Variants in CDH13 observed in about 807,000 individuals in gnomAD.
CDH13 encodes cadherin 13.
CDH13 carries 24 observed loss-of-function variants against 63.8 expected under a neutral mutation model. That is an observed-to-expected ratio of 0.38 (90% CI 0.27 to 0.53). The LOEUF (loss-of-function observed/expected upper bound fraction) is 0.53. Ranked by LOEUF, CDH13 falls within the 20% of genes least tolerant of loss-of-function variation. The probability of loss-of-function intolerance (pLI) is 0.85; values close to 1 mark genes in which losing one functional copy is unlikely to be tolerated. For missense variants in CDH13, 1,049 were observed against 903.1 expected, an observed-to-expected ratio of 1.16 and a Z score of -2.07; for synonymous variants, 503 against 355.3, an observed-to-expected ratio of 1.42 and a Z score of -4.67.
chr16:83,173,585 A>G lies in CDH13; in HGVS notation c.484-43760A>G, dbSNP rs114825093. On this transcript the variant is annotated intron_variant, in intron 4 of 13. Coordinates refer to ENST00000567109, the MANE Select transcript of CDH13 (RefSeq NM_001257.5). ...AGAATAAGCACATCCCAACTATTGC[A>G]CTGGACATATTAATACTAAAGAATT... Among the ~76,000 whole-genome samples, 562 of 152,274 alleles carry G rather than the reference A, an allele frequency of 3.7e-3. 4 individuals carry two copies. The highest frequency in any genetic ancestry group is 0.013 in the African/African-American group (547 of 41,564).
chr16:82,959,581 T>G (rs1247565415), intron 2 of CDH13, among the ~76,000 whole-genome samples: 1 of 152,146 alleles, frequency 6.6e-6, no homozygotes, highest in Non-Finnish European at 1.5e-5. Flanking sequence ...TACATCTCCT[T>G]TGCACTCTTT....
At chr16:82,907,931 CA>C (rs2041703442) in intron 2 of CDH13, among the ~76,000 whole-genome samples, 1 of 152,246 alleles carries the variant, frequency 6.6e-6, no homozygotes, top group African/African-American at 2.4e-5. Flanking sequence ...TTAGCTTCTT[CA>C]AAAAATTTTT....
intron 2 of CDH13, among the ~76,000 whole-genome samples, chr16:83,030,199 C>G (rs1379266091): frequency 6.6e-6 from 1 of 152,166 alleles, no homozygotes; most frequent in Non-Finnish European, 1.5e-5. Context: ...TGTCCACTCT[C>G]CATATCAGCA....
intron 7 of CDH13, among the ~76,000 whole-genome samples, chr16:83,567,820 C>T (rs888938632): frequency 2.6e-5 from 4 of 152,124 alleles, no homozygotes; most frequent in African/African-American, 9.7e-5. Context: ...TGGTCTCAAT[C>T]TCCTGACCTC....
intron 6 of CDH13, among the ~76,000 whole-genome samples, chr16:83,384,822 A>T (rs144409648): frequency 6.6e-6 from 1 of 152,346 alleles, no homozygotes; most frequent in East Asian, 1.9e-4. Flanking sequence ...AGATAAATCC[A>T]CCTGTCCTTT....
chr16:82,870,317 G>T (rs1447222222), intron 2 of CDH13, among the ~76,000 whole-genome samples: 2 of 152,116 alleles, frequency 1.3e-5, no homozygotes, highest in Non-Finnish European at 1.5e-5. Flanking sequence ...GGGCAATCAT[G>T]AGTGCTGGTG....
At chr16:82,938,768 A>G (rs1376409868) in intron 2 of CDH13, among the ~76,000 whole-genome samples, 2 of 152,222 alleles carry the variant, frequency 1.3e-5, no homozygotes, top group Admixed American at 1.3e-4. Flanking sequence ...TATGGTAGGC[A>G]ACTAAAGTTT....
chr16:83,374,097 G>C (rs758146655), intron 6 of CDH13, among the ~76,000 whole-genome samples: 4 of 152,186 alleles, frequency 2.6e-5, no homozygotes, highest in Non-Finnish European at 4.4e-5. Context: ...TCCGCAAAGA[G>C]TGCAAACTTT....
intron 10 of CDH13, among the ~76,000 whole-genome samples, chr16:83,703,837 C>G (rs533537711): frequency 6.6e-6 from 1 of 152,270 alleles, no homozygotes; most frequent in African/African-American, 2.4e-5. Context: ...ACCAACATGC[C>G]TCTGACTCCA....
intron 2 of CDH13, among the ~76,000 whole-genome samples, chr16:83,000,269 C>G (rs1469044643): frequency 6.1e-5 from 2 of 32,778 alleles, no homozygotes; most frequent in East Asian, 1.1e-3. Flanking sequence ...TTTTTTGAGA[C>G]AGAGTTTTTC....
At chr16:83,052,618 A>G (rs911234640) in intron 3 of CDH13, among the ~76,000 whole-genome samples, 2 of 151,896 alleles carry the variant, frequency 1.3e-5, no homozygotes, top group African/African-American at 4.8e-5. Flanking sequence ...TGTCTCTACT[A>G]AAAATACAAA....
At chr16:83,381,627 C>A (rs534035436) in intron 6 of CDH13, among the ~76,000 whole-genome samples, 1 of 151,902 alleles carries the variant, frequency 6.6e-6, no homozygotes, top group African/African-American at 2.4e-5. Context: ...TAATTCCAAC[C>A]ACTCTCACCT....
intron 10 of CDH13, among the ~76,000 whole-genome samples, chr16:83,697,450 A>G (rs1271078206): frequency 6.6e-6 from 1 of 152,242 alleles, no homozygotes; most frequent in Non-Finnish European, 1.5e-5. Flanking sequence ...TGCCTTACAG[A>G]AGAAACAGGT....
At chr16:83,355,208 G>A (rs781397223) in intron 6 of CDH13, among the ~76,000 whole-genome samples, 4 of 152,200 alleles carry the variant, frequency 2.6e-5, no homozygotes, top group Non-Finnish European at 5.9e-5. Flanking sequence ...TACGGAGATG[G>A]AGAGAAGAGA....
intron 1 of CDH13, among the ~76,000 whole-genome samples, chr16:82,784,324 C>G (rs1361269924): frequency 6.6e-6 from 1 of 152,180 alleles, no homozygotes; most frequent in Non-Finnish European, 1.5e-5. Flanking sequence ...GGGAGAGGTT[C>G]TTATGGACTG....
At chr16:82,860,393 G>GC (rs559433340) in intron 2 of CDH13, among the ~76,000 whole-genome samples, 2 of 132,772 alleles carry the variant, frequency 1.5e-5, no homozygotes, top group South Asian at 2.9e-4. Flanking sequence ...GTGTGTGGGG[G>GC]GGGGGGCGGC....
At chr16:83,046,218 C>A (rs1917770031) in intron 3 of CDH13, among the ~76,000 whole-genome samples, 2 of 148,694 alleles carry the variant, frequency 1.3e-5, no homozygotes, top group Admixed American at 1.3e-4. Context: ...AAGAGGAAAG[C>A]CTTCATCTCA....
chr16:83,734,762 G>A (rs1331215717), intron 10 of CDH13, among the ~76,000 whole-genome samples: 1 of 73,628 alleles, frequency 1.4e-5, no homozygotes, highest in South Asian at 4.2e-4. Flanking sequence ...ATAAAAACAG[G>A]GATTAAAGCG....
chr16:83,667,390 A>T (rs993172148), intron 8 of CDH13, among the ~76,000 whole-genome samples: 3 of 152,004 alleles, frequency 2.0e-5, no homozygotes, highest in African/African-American at 7.3e-5. Flanking sequence ...TTATTAATTC[A>T]TTCATCCACC....
Sources: allele counts gnomAD v4.1 joint callset (sites outside exome capture counted in the v4.1 genomes callset), GRCh38; gene constraint gnomAD v4.1.1; transcripts MANE v1.5; gene names NCBI Gene and HGNC (gene_info 2026-07-23, HGNC 2026-07-21).